Variants in CNTN5 observed in about 807,000 individuals in gnomAD.
CNTN5 encodes the protein contactin-5.
CNTN5 carries 77 observed loss-of-function variants against 129.1 expected under a neutral mutation model. The observed-to-expected ratio is 0.60, with a 90% CI of 0.50 to 0.72. The LOEUF is 0.72. Ranked by LOEUF, CNTN5 falls within the 30% of genes least tolerant of loss-of-function variation. CNTN5 has a pLI of 0.00. For missense variants in CNTN5, 1,478 were observed against 1,328.8 expected (o/e 1.11, Z -1.75); for synonymous variants, 509 against 465.6 (o/e 1.09, Z -1.20).
chr11:99,759,578 A>G (rs1944511834), intron 3 of CNTN5, among the ~76,000 whole-genome samples: 1 of 151,994 alleles, frequency 6.6e-6, no homozygotes, highest in Non-Finnish European at 1.5e-5. Context: ...GAATTTACCA[A>G]GGAAATGGTT....
intron 2 of CNTN5, among the ~76,000 whole-genome samples, chr11:99,480,004 A>G (rs1165513446): frequency 8.6e-6 from 1 of 116,504 alleles, no homozygotes; most frequent in African/African-American, 3.1e-5. Context: ...AAGACAAAAC[A>G]GTTTCATTGG....
rs115366570 is a variant in CNTN5 at position 99,280,857 on chromosome 11, G to C, written c.-209-44489G>C. ...ACATATGAATGAATTATGTCACCAA[G>C]TTATTAATAATTATTAGTTAATAGT... On this transcript the variant is annotated intron_variant, in intron 1 of 24. Transcript: ENST00000524871. Among the ~76,000 whole-genome samples, 587 of 151,584 alleles carry C rather than the reference G, an allele frequency of 3.9e-3. 6 individuals are homozygous for C. Among genetic ancestry groups the C allele is most frequent in the African/African-American group, 0.013 (554 of 41,388 alleles).
chr11:99,421,603 A>G (rs1942891731), intron 2 of CNTN5, among the ~76,000 whole-genome samples: 3 of 152,328 alleles, frequency 2.0e-5, no homozygotes, highest in South Asian at 2.1e-4. Context: ...TGATGTTTGA[A>G]AACAATTTGC....
intron 2 of CNTN5, among the ~76,000 whole-genome samples, chr11:99,534,029 G>C (rs929702715): frequency 6.6e-6 from 1 of 152,104 alleles, no homozygotes. Flanking sequence ...CCCATCAAAT[G>C]TCTGCCTTCT....
chr11:99,760,575 T>C (rs1356407376), intron 3 of CNTN5, among the ~76,000 whole-genome samples: 4 of 152,162 alleles, frequency 2.6e-5, no homozygotes, highest in African/African-American at 9.6e-5. Flanking sequence ...CTAAAAATGG[T>C]TATGGATTAG....
chr11:100,201,817 G>C (rs1474608476), intron 15 of CNTN5, among the ~76,000 whole-genome samples: 1 of 151,884 alleles, frequency 6.6e-6, no homozygotes. Context: ...GAGAATATTG[G>C]GGGCTGACAG....
intron 13 of CNTN5, among the ~76,000 whole-genome samples, chr11:100,179,144 C>T (rs1209386334): frequency 6.6e-6 from 1 of 152,082 alleles, no homozygotes; most frequent in Non-Finnish European, 1.5e-5. Context: ...TCCTGTTGTG[C>T]TCTTAAATAC....
chr11:100,291,967 C>G (rs1487802883), intron 18 of CNTN5, among the ~76,000 whole-genome samples: 1 of 151,824 alleles, frequency 6.6e-6, no homozygotes, highest in African/African-American at 2.4e-5. Context: ...AAACCTCAGC[C>G]TCAAATAAAT....
At chr11:99,097,376 T>C (rs184295765) in intron 1 of CNTN5, among the ~76,000 whole-genome samples, 1 of 152,010 alleles carries the variant, frequency 6.6e-6, no homozygotes, top group Admixed American at 6.6e-5. Context: ...TTACCACTAA[T>C]TCAAAACCTG....
intron 15 of CNTN5, among the ~76,000 whole-genome samples, chr11:100,200,407 C>T (rs921002235): frequency 1.3e-5 from 2 of 151,936 alleles, no homozygotes; most frequent in Non-Finnish European, 2.9e-5. Context: ...TCTACCAAAA[C>T]AAACTTCCTA....
At chr11:99,728,690 C>A (rs1488324379) in intron 3 of CNTN5, among the ~76,000 whole-genome samples, 1 of 152,098 alleles carries the variant, frequency 6.6e-6, no homozygotes, top group Non-Finnish European at 1.5e-5. Flanking sequence ...GACAGTTCAC[C>A]CTAAAAGACG....
chr11:100,344,678 A>AGTTT (rs1952240812), intron 23 of CNTN5, among the ~76,000 whole-genome samples: 1 of 152,176 alleles, frequency 6.6e-6, no homozygotes, highest in Non-Finnish European at 1.5e-5. Context: ...TAAATATTTA[A>AGTTT]GGTAATGGAT....
At chr11:100,138,319 G>A (rs1946590378) in intron 13 of CNTN5, among the ~76,000 whole-genome samples, 1 of 151,894 alleles carries the variant, frequency 6.6e-6, no homozygotes, top group South Asian at 2.1e-4. Flanking sequence ...TACTCATGGA[G>A]TACCTACTAT....
chr11:99,205,173 AAAC>A (rs375088046), intron 1 of CNTN5, among the ~76,000 whole-genome samples: 23,688 of 127,592 alleles, frequency 0.19, 1,909 homozygotes, highest in Middle Eastern at 0.22. Flanking sequence ...GCAAACAAAC[AAAC>A]AAAAAAAACT....
chr11:99,656,952 A>G (rs1184953820), intron 3 of CNTN5, among the ~76,000 whole-genome samples: 1 of 152,094 alleles, frequency 6.6e-6, no homozygotes, highest in African/African-American at 2.4e-5. Context: ...TTTGAAAAAA[A>G]AAAATGTGTT....
rs143830642 is a variant in CNTN5 at position 99,901,086 on chromosome 11, G to A, written c.578-14968G>A. Among the ~76,000 whole-genome samples the A allele has an allele frequency of 6.6e-5, 10 of 152,132 alleles. No homozygotes were observed. In the East Asian group the frequency reaches 1.4e-3, roughly 21 times the overall value. ...TCTCACAAAAGTGTCTAACTAAAAG[G>A]ATATTTTAATAAGAAATGAATTAAA... On this transcript the variant is annotated intron_variant, in intron 6 of 24. Transcript: ENST00000524871.
chr11:99,037,266 A>G (rs563236556), intron 1 of CNTN5, among the ~76,000 whole-genome samples: 6 of 152,260 alleles, frequency 3.9e-5, no homozygotes, highest in South Asian at 2.1e-4. Flanking sequence ...CAACATGTCA[A>G]TAATTCTGAT....
chr11:100,226,362 G>C (rs1949377784), intron 16 of CNTN5, among the ~76,000 whole-genome samples: 1 of 152,120 alleles, frequency 6.6e-6, no homozygotes, highest in Non-Finnish European at 1.5e-5. Flanking sequence ...TTTAGAGACT[G>C]ATAAGAAACC....
chr11:99,624,301 G>A (rs1477439252), intron 3 of CNTN5, among the ~76,000 whole-genome samples: 1 of 151,992 alleles, frequency 6.6e-6, no homozygotes, highest in Non-Finnish European at 1.5e-5. Flanking sequence ...TCAAATAAAA[G>A]TACGGCCTGT....
Sources: allele counts gnomAD v4.1 joint callset (sites outside exome capture counted in the v4.1 genomes callset), GRCh38; gene constraint gnomAD v4.1.1; transcripts MANE v1.5; gene names NCBI Gene and HGNC (gene_info 2026-07-23, HGNC 2026-07-21).